Variants in FBXW4 observed in about 807,000 individuals in gnomAD.
FBXW4 encodes the protein F-box/WD repeat-containing protein 4.
A neutral mutation model predicts 61.8 loss-of-function variants in FBXW4; 40 were observed. The observed-to-expected ratio is 0.65, with a 90% CI of 0.50 to 0.84. The LOEUF is 0.84. Ranked by LOEUF, FBXW4 falls within the 40% of genes least tolerant of loss-of-function variation. FBXW4 has a pLI of 0.00. For synonymous variants in FBXW4, 311 were observed against 313.8 expected, an observed-to-expected ratio of 0.99 and a Z score of 0.10; for missense variants, 672 against 753.8, an observed-to-expected ratio of 0.89 and a Z score of 1.27.
At chr10:101,682,141 C>G (rs2064485074) in intron 1 of FBXW4, among the ~76,000 whole-genome samples, 1 of 152,146 alleles carries the variant, frequency 6.6e-6, no homozygotes, top group Non-Finnish European at 1.5e-5. Context: ...GGTGTTGTCA[C>G]TAATGTGACT....
chr10:101,653,381 T>TA (rs1311283871), intron 5 of FBXW4, among the ~76,000 whole-genome samples: 2 of 152,168 alleles, frequency 1.3e-5, no homozygotes, highest in Non-Finnish European at 2.9e-5. Flanking sequence ...TTCCTCAAGT[T>TA]AAAGTCAAAC....
At position 101,694,462 on chromosome 10, in the gene FBXW4, C is replaced by T. The variant is rs776928234; in HGVS notation, c.644G>A (p.Arg215His). The T allele has an allele frequency of 6.5e-7, 1 of 1,534,618 alleles. No individual in the cohort carries two copies. Among genetic ancestry groups the T allele is most frequent in the Non-Finnish European group, 8.7e-7 (1 of 1,152,260 alleles). ...CCAGAGCAGATCGCAGCTGGTGAAG[C>T]GCCGCAGCCAGCGGCACACCTGGGC... Reference protein sequence around the residue: ...RLAQVCRWLRRFTSCDLLWRR... With the variant: ...RLAQVCRWLRHFTSCDLLWRR... Residue 215 changes from arginine to histidine, a missense_variant, in exon 1 of 9, where the codon CGC (arginine) becomes CAC (histidine). Around this residue, in one of 5 missense-constraint regions of FBXW4, gnomAD observed 311 missense variants for 301.1 expected, o/e 1.03. Transcript: ENST00000331272. The surrounding 1 kb of genome is among the most constrained non-coding windows in gnomAD (Gnocchi z 6.0).
At chr10:101,633,394 C>T (rs2063974635) in intron 5 of FBXW4, among the ~76,000 whole-genome samples, 1 of 152,056 alleles carries the variant, frequency 6.6e-6, no homozygotes. Flanking sequence ...GGGAGCTGAA[C>T]AATGAGAACA....
At position 101,694,582 on chromosome 10, in the gene FBXW4, G is replaced by A; in HGVS notation, c.524C>T (p.Ala175Val). Residue 175 changes from alanine (A) to valine (V), a missense_variant, in exon 1 of 9, where the codon GCC becomes GTC. Ala to Val is a moderately conservative substitution (Grantham distance 64). Around this residue, in one of 5 missense-constraint regions of FBXW4, gnomAD observed 311 missense variants for 301.1 expected, o/e 1.03. Coordinates refer to ENST00000331272, the MANE Select transcript of FBXW4 (RefSeq NM_022039.4). The surrounding 1 kb of genome is among the most constrained non-coding windows in gnomAD (Gnocchi z 6.0). Reference protein sequence around the residue: ...EEEEAARESAARPAAGPALWR... With the variant: ...EEEEAARESAVRPAAGPALWR... The stretch of plus-strand genomic sequence containing the variant: ...GAGCGCAGGCCCCGCGGCCGGGCGG[G>A]CAGCCGACTCCCGAGCCGCCTCCTC... 6.8e-7 allele frequency: 1 copy of A among 1,462,162 alleles called. No individual in the cohort carries two copies. 90.6% of individuals were successfully genotyped at this position (1,462,162 alleles called of 1,614,324 possible).
At chr10:101,662,591 G>A (rs569911620) in intron 5 of FBXW4, among the ~76,000 whole-genome samples, 1 of 152,316 alleles carries the variant, frequency 6.6e-6, no homozygotes. Context: ...TAAAACCCAA[G>A]TGTCATGGGA....
chr10:101,668,007 G>C (rs372938274), intron 4 of FBXW4, 27 bp from the exon 5 acceptor site: 2 of 1,569,282 alleles, frequency 1.3e-6, no homozygotes, highest in Admixed American at 1.7e-5. Flanking sequence ...AGATGCTCTC[G>C]TTGGCATTGC....
chr10:101,641,708 C>A (rs553094594), intron 5 of FBXW4, among the ~76,000 whole-genome samples: 8 of 151,002 alleles, frequency 5.3e-5, no homozygotes, highest in African/African-American at 1.7e-4. Context: ...TTTTAATGAA[C>A]CTGGCCCCAG....
Position 101,672,971 on chromosome 10 carries a change from A to C in FBXW4, c.1084T>G (p.Cys362Gly). 1 of 1,614,054 alleles carries C rather than the reference A, an allele frequency of 6.2e-7. No homozygotes were observed. The highest frequency in any genetic ancestry group is 1.1e-5 in the South Asian group (1 of 91,054). ...ATGATGCCCCCTTTGCAATCCACAC[A>C]GTTCACCTCCTGTTCATGAGCCGAG... ...KYSAHEQEVN[C>G]VDCKGGIIVS... The change falls in exon 4 of 9, where the codon TGT (cysteine) becomes GGT (glycine). Residue 362 changes from cysteine to glycine, a missense_variant. Coordinates refer to ENST00000331272, the MANE Select transcript of FBXW4 (RefSeq NM_022039.4).
chr10:101,630,872 G>T lies in FBXW4; in HGVS notation c.1236-6062C>A, dbSNP rs914573047. Among the ~76,000 whole-genome samples the T allele has an allele frequency of 9.2e-5, 14 of 152,352 alleles. No homozygotes were observed. The East Asian group carries it at 2.7e-3, about 29-fold the overall frequency. On this transcript the variant is annotated intron_variant, in intron 5 of 8. Coordinates refer to ENST00000331272, the MANE Select transcript of FBXW4 (RefSeq NM_022039.4). ...TGTCCAGCAAACATCCCACCTTGCA[G>T]GTGGGGAAACATCCACCTGAATGCC... is the stretch of plus-strand genomic sequence containing the variant.
chr10:101,633,777 T>C (rs1251760240), intron 5 of FBXW4, among the ~76,000 whole-genome samples: 4 of 152,076 alleles, frequency 2.6e-5, no homozygotes, highest in African/African-American at 9.7e-5. Context: ...TAACAAACTG[T>C]TATTATATAC....
At position 101,695,007 on chromosome 10, in the gene FBXW4, C is replaced by T. The variant is rs1191900581; in HGVS notation, c.99G>A (p.Arg33=). 9.2e-7 allele frequency: 1 copy of T among 1,092,824 alleles called. No individual in the cohort carries two copies. Among genetic ancestry groups the T allele is most frequent in the African/African-American group, 1.6e-5 (1 of 61,138 alleles). The allele number at this position is 1,092,824 out of a possible 1,614,324, so 67.7% of individuals were successfully genotyped here. The change falls in exon 1 of 9, where the codon AGG becomes AGA. Residue 33 remains arginine, a synonymous_variant. Coordinates refer to ENST00000331272, the MANE Select transcript of FBXW4 (RefSeq NM_022039.4). The surrounding 1 kb of genome is among the most constrained non-coding windows in gnomAD (Gnocchi z 4.2). ...TCCCCTTCCCCTTCCTTCGCTTCCC[C>T]CTCGCCACCCTCCCTTCCTGCAGCT... The part of the protein sequence containing the change: ...ARKLQEGRVA[R]GKRRKGKGKG...
In FBXW4 at chr10:101,611,818, T is replaced by C; in HGVS notation, c.1443-49A>G. ...AGGGAGGTTTAGGGTACCCTCCACC[T>C]CTACCCCAGCTTTCTTGGGCCTAGA... On this transcript the variant is annotated intron_variant, in intron 7 of 8. Transcript: ENST00000331272. This position sits in a 1 kb window ranked among gnomAD's most constrained non-coding sequence, Gnocchi z 4.9. 1 of 1,583,604 alleles carries C rather than the reference T, an allele frequency of 6.3e-7. No homozygotes were observed. Among genetic ancestry groups the C allele is most frequent in the Non-Finnish European group, 8.6e-7 (1 of 1,162,056 alleles).
intron 5 of FBXW4, among the ~76,000 whole-genome samples, chr10:101,644,546 G>A (rs1247851909): frequency 6.6e-6 from 1 of 152,162 alleles, no homozygotes; most frequent in Non-Finnish European, 1.5e-5. Context: ...ATGCAGCAGG[G>A]TGGCCACAGT....
intron 3 of FBXW4, 45 bp from the exon 4 acceptor site, chr10:101,673,092 T>C (rs777930539): frequency 6.3e-7 from 1 of 1,595,578 alleles, no homozygotes; most frequent in South Asian, 1.1e-5. Context: ...CAATTATTCT[T>C]TCTGTAGAAA....
At chr10:101,656,382 C>A (rs1377673122) in intron 5 of FBXW4, among the ~76,000 whole-genome samples, 3 of 152,170 alleles carry the variant, frequency 2.0e-5, no homozygotes, top group Non-Finnish European at 4.4e-5. Flanking sequence ...TGTGGGAAAT[C>A]GAGAGAGGAA....
intron 6 of FBXW4, among the ~76,000 whole-genome samples, chr10:101,615,073 A>C (rs1341420490): frequency 6.6e-6 from 1 of 152,148 alleles, no homozygotes; most frequent in Non-Finnish European, 1.5e-5. Context: ...GTGTTCTTAT[A>C]AAAACGATTA....
At chr10:101,626,517 A>T (rs746567423) in intron 5 of FBXW4, 7 of 152,332 alleles carry the variant, frequency 4.6e-5, no homozygotes, top group Non-Finnish European at 7.3e-5. Context: ...TTTGAGAGGA[A>T]TCTCCCTCTG....
chr10:101,665,436 C>A (rs2064288798), intron 5 of FBXW4, among the ~76,000 whole-genome samples: 2 of 151,932 alleles, frequency 1.3e-5, no homozygotes, highest in South Asian at 4.2e-4. Context: ...AGACCCCTCT[C>A]AAAAAATCAT....
intron 1 of FBXW4, chr10:101,676,691 C>G (rs1404155694): frequency 7.2e-6 from 1 of 139,014 alleles, no homozygotes; most frequent in Non-Finnish European, 1.3e-5. Flanking sequence ...AATCCTGGAA[C>G]CACTGGATGT....
Sources: allele counts gnomAD v4.1 joint callset (sites outside exome capture counted in the v4.1 genomes callset), GRCh38; gene constraint gnomAD v4.1.1; regional missense constraint gnomAD v4.1.1; non-coding constraint Gnocchi (gnomAD v3.1); transcripts MANE v1.5; gene names NCBI Gene and HGNC (gene_info 2026-07-23, HGNC 2026-07-21).